Variants in IRAG2 observed in about 807,000 individuals in gnomAD.
IRAG2 encodes lymphoid restricted membrane protein.
In IRAG2, 45 loss-of-function variants were observed where a neutral mutation model predicts 69.9. The observed-to-expected ratio is 0.64, with a 90% confidence interval of 0.51 to 0.83. IRAG2 has a LOEUF of 0.83. IRAG2 is among the 40% of genes least tolerant of loss of function. IRAG2 has a pLI of 0.00. For synonymous variants in IRAG2, 193 were observed against 202.4 expected (o/e 0.95, Z 0.40); for missense variants, 520 against 587.0 (o/e 0.89, Z 1.18).
intron 2 of IRAG2, among the ~76,000 whole-genome samples, chr12:25,008,807 C>G (rs945714253): frequency 2.0e-5 from 3 of 151,948 alleles, no homozygotes; most frequent in East Asian, 3.9e-4. Flanking sequence ...CTTGGTCATC[C>G]TTTTTTTTAA....
At chr12:25,038,805 T>G (rs550153992) in intron 16 of IRAG2, among the ~76,000 whole-genome samples, 1 of 152,312 alleles carries the variant, frequency 6.6e-6, no homozygotes, top group Middle Eastern at 3.4e-3. Flanking sequence ...ATAAAGTGAA[T>G]TGACTAAGAC....
chr12:25,102,547 CCTTT>C, intron 17 of IRAG2: 1 of 338,090 alleles, frequency 3.0e-6, no homozygotes, highest in Non-Finnish European at 5.5e-6. Context: ...TCAGCCTCCT[CCTTT>C]CGTGCTGCCT....
chr12:25,106,746 T>TC (rs1949176531), intron 20 of IRAG2, among the ~76,000 whole-genome samples, 197 bp from the exon 21 acceptor site: 1 of 151,248 alleles, frequency 6.6e-6, no homozygotes. Context: ...GAACTTATTT[T>TC]TAATTAAATT....
chr12:25,076,584 A>G (rs183453712), intron 6 of IRAG2: 2 of 982,798 alleles, frequency 2.0e-6, no homozygotes, highest in Admixed American at 1.2e-4. Flanking sequence ...GGAATAGAAA[A>G]TAAGAACTGC....
At chr12:25,059,336 T>G (rs1251933133) in intron 1 of IRAG2, among the ~76,000 whole-genome samples, 1 of 152,140 alleles carries the variant, frequency 6.6e-6, no homozygotes, top group African/African-American at 2.4e-5. Flanking sequence ...AAATTACTTT[T>G]GTAGGTTAGA....
intron 6 of IRAG2, among the ~76,000 whole-genome samples, chr12:25,070,685 T>A (rs1169703032): frequency 6.6e-6 from 1 of 152,248 alleles, no homozygotes; most frequent in African/African-American, 2.4e-5. Flanking sequence ...ATATGGTAAC[T>A]CTATGTTTAA....
chr12:25,099,828 C>T (rs1369144387), intron 15 of IRAG2, among the ~76,000 whole-genome samples: 4 of 151,360 alleles, frequency 2.6e-5, no homozygotes, highest in African/African-American at 9.7e-5. Flanking sequence ...GGTAAAACCC[C>T]GTCTCTACTA....
rs147617427 is a variant in IRAG2 at position 25,072,364 on chromosome 12, T to C, written c.24+2933T>C. 3.6e-4 allele frequency among the ~76,000 whole-genome samples: 55 copies of C among 152,326 alleles called. No homozygotes were observed. The East Asian group carries it at 7.1e-3, about 20-fold the overall frequency. On this transcript the variant is annotated intron_variant, in intron 6 of 21. Transcript: ENST00000556887. ...GAATTAGTCTGTTGGCTGCACCTTC[T>C]GACTGATCCCACCAATTCTCAACCT...
chr12:25,050,029 A>G (rs1428618857), upstream of IRAG2, among the ~76,000 whole-genome samples: 2 of 143,742 alleles, frequency 1.4e-5, no homozygotes, highest in Admixed American at 7.0e-5. Context: ...AGGCCGAGGC[A>G]GGAGAATGGC....
upstream of IRAG2, among the ~76,000 whole-genome samples, chr12:25,050,506 A>G (rs1944839675): frequency 7.7e-6 from 1 of 130,444 alleles, no homozygotes; most frequent in Non-Finnish European, 1.6e-5. Context: ...TCCAGCCTGG[A>G]GACAGAGCGA....
intron 16 of IRAG2, among the ~76,000 whole-genome samples, chr12:25,038,800 G>A (rs1298531269): frequency 1.3e-5 from 2 of 152,178 alleles, no homozygotes; most frequent in African/African-American, 2.4e-5. Context: ...AAGAGATAAA[G>A]TGAATTGACT....
Position 25,016,731 on chromosome 12 carries a change from G to A in IRAG2, c.1056-403G>A, listed in dbSNP as rs552377388. ...CCACTGCACTCCATCTTGGGCGACA[G>A]AGCAAGACTCTGTCTCAAAAAATGA... On this transcript the variant is annotated intron_variant, in intron 5 of 38. Transcript: ENST00000636465. Among the ~76,000 whole-genome samples the A allele has an allele frequency of 3.3e-5, 5 of 149,568 alleles. No individual in the cohort carries two copies. The South Asian group carries it at 1.1e-3, about 31-fold the overall frequency.
chr12:25,015,922 G>A (rs1269411652), intron 5 of IRAG2, among the ~76,000 whole-genome samples: 1 of 152,188 alleles, frequency 6.6e-6, no homozygotes, highest in East Asian at 1.9e-4. Flanking sequence ...TGGGCTGGGC[G>A]CGGTGCCTCA....
intron 17 of IRAG2, chr12:25,103,069 T>C (rs1170148952): frequency 6.6e-6 from 1 of 152,220 alleles, no homozygotes; most frequent in African/African-American, 2.4e-5. Context: ...GATGCTCAAC[T>C]AACCTATGAA....
At chr12:25,032,030 G>T (rs879479834) in intron 10 of IRAG2, 8 of 395,576 alleles carry the variant, frequency 2.0e-5, no homozygotes, top group Non-Finnish European at 3.1e-5. Flanking sequence ...TGGTAGAATC[G>T]CATGACGATT....
intron 7 of IRAG2, chr12:25,023,782 G>C: frequency 1.7e-6 from 1 of 591,626 alleles, no homozygotes; most frequent in Non-Finnish European, 2.5e-6. Context: ...ATTCAAAGTT[G>C]GTAGAGAATG....
chr12:25,028,912 T>C (rs946814741), intron 9 of IRAG2, among the ~76,000 whole-genome samples: 3 of 152,192 alleles, frequency 2.0e-5, no homozygotes, highest in Non-Finnish European at 4.4e-5. Context: ...AATTTGTGAA[T>C]TTAAAGATGG....
At chr12:25,089,499 TC>T (rs1236496299) in intron 11 of IRAG2, 114 bp from the exon 12 acceptor site, 31 of 630,354 alleles carry the variant, frequency 4.9e-5, no homozygotes, top group Non-Finnish European at 7.4e-5. Flanking sequence ...CTGGCGATCA[TC>T]TCAGACATAT....
chr12:25,009,805 G>A (rs1944460770), intron 2 of IRAG2, among the ~76,000 whole-genome samples: 1 of 149,832 alleles, frequency 6.7e-6, no homozygotes. Flanking sequence ...CTAGAAGCAG[G>A]AAAAAAAAAA....
Sources: allele counts gnomAD v4.1 joint callset (sites outside exome capture counted in the v4.1 genomes callset), GRCh38; gene constraint gnomAD v4.1.1; transcripts MANE v1.5; gene names NCBI Gene and HGNC (gene_info 2026-07-23, HGNC 2026-07-21).